TCP11L2: variants seen among roughly 807,000 people sequenced by gnomAD.
The protein encoded by TCP11L2 is t-complex 11 like 2.
TCP11L2 carries 39 observed loss-of-function variants against 50.7 expected under a neutral mutation model. The observed-to-expected ratio is 0.77, with a 90% confidence interval of 0.60 to 1.01. The LOEUF is 1.01. TCP11L2 is among the 50% of genes least tolerant of loss of function. The pLI is 0.00. For missense variants in TCP11L2, 612 were observed against 614.7 expected, an observed-to-expected ratio of 1.00 and a Z score of 0.05; for synonymous variants, 192 against 219.3, an observed-to-expected ratio of 0.88 and a Z score of 1.10.
chr12:106,339,815 C>T (rs2036036017), intron 8 of TCP11L2, among the ~76,000 whole-genome samples: 1 of 152,222 alleles, frequency 6.6e-6, no homozygotes, highest in Non-Finnish European at 1.5e-5. Flanking sequence ...CCTTGGGTTA[C>T]AGAATTCCAA....
intron 6 of TCP11L2, among the ~76,000 whole-genome samples, chr12:106,333,712 C>T (rs917481629): frequency 4.6e-5 from 7 of 151,944 alleles, no homozygotes; most frequent in East Asian, 1.9e-4. Context: ...ATACTAAAAA[C>T]GCTTCACTTC....
At chr12:106,331,507 C>T (rs1311394007) in intron 6 of TCP11L2, among the ~76,000 whole-genome samples, 2 of 152,154 alleles carry the variant, frequency 1.3e-5, no homozygotes, top group Admixed American at 6.6e-5. Flanking sequence ...GACAATAATC[C>T]CCGTCTTTAA....
chr12:106,324,813 A>C (rs79238437), intron 6 of TCP11L2: 3 of 152,224 alleles, frequency 2.0e-5, no homozygotes, highest in Non-Finnish European at 2.9e-5. Flanking sequence ...GTGAATGGTC[A>C]TACAGTTTGA....
In TCP11L2 at chr12:106,316,540, CATGG is replaced by C. The variant is rs542807877; in HGVS notation, c.294-1803_294-1800del. Among the ~76,000 whole-genome samples, 19 of 152,238 alleles carry C rather than the reference CATGG, an allele frequency of 1.2e-4. No individual in the cohort carries two copies. The East Asian group carries it at 3.1e-3, about 25-fold the overall frequency. ...TGAATGTTCTTTTCCCAGACCTTCA[CATGG>C]CTCTTTGCTCTCCCCTTCTGAGTCT... On this transcript the variant is annotated intron_variant, in intron 3 of 9. Transcript: ENST00000299045.
intron 6 of TCP11L2, among the ~76,000 whole-genome samples, chr12:106,326,887 A>G (rs1271956754): frequency 1.3e-5 from 2 of 152,216 alleles, no homozygotes; most frequent in South Asian, 2.1e-4. Flanking sequence ...CAAAAACTCT[A>G]TGACTCCAAG....
intron 8 of TCP11L2, among the ~76,000 whole-genome samples, chr12:106,340,117 G>A (rs1460381105): frequency 6.6e-6 from 1 of 152,120 alleles, no homozygotes; most frequent in African/African-American, 2.4e-5. Context: ...ATTTTGCAGA[G>A]TTATCTTAAG....
At chr12:106,338,116 T>G (rs555070018) in intron 8 of TCP11L2, among the ~76,000 whole-genome samples, 1 of 152,342 alleles carries the variant, frequency 6.6e-6, no homozygotes, top group South Asian at 2.1e-4. Context: ...TAAGACAACT[T>G]TTTTTGAAGA....
chr12:106,329,404 C>T, intron 6 of TCP11L2: 2 of 1,535,968 alleles, frequency 1.3e-6, no homozygotes, highest in Non-Finnish European at 1.7e-6. Context: ...ACCGTGCCAG[C>T]CTGTGAGAGT....
intron 1 of TCP11L2, among the ~76,000 whole-genome samples, chr12:106,305,724 C>G (rs973179646): frequency 1.3e-5 from 2 of 152,100 alleles, no homozygotes; most frequent in East Asian, 1.9e-4. Flanking sequence ...AAGGTTACCT[C>G]GTAGTTGGTG....
upstream of TCP11L2, among the ~76,000 whole-genome samples, chr12:106,302,283 T>C (rs1026636143): frequency 6.7e-6 from 1 of 149,274 alleles, no homozygotes; most frequent in South Asian, 2.1e-4. Flanking sequence ...GGCCCGCGGC[T>C]TCGCCCACCT....
intron 4 of TCP11L2, among the ~76,000 whole-genome samples, chr12:106,319,380 C>T (rs1035856499): frequency 6.6e-6 from 1 of 152,080 alleles, no homozygotes; most frequent in Admixed American, 6.6e-5. Context: ...GCAGTTTTTT[C>T]CCCCCAAAGA....
intron 6 of TCP11L2, 98 bp downstream of exon 6, chr12:106,323,744 TAATA>T (rs1355326688): frequency 5.5e-5 from 21 of 381,984 alleles, no homozygotes; most frequent in South Asian, 1.2e-4. Context: ...TAAATTAAAT[TAATA>T]AATAAATAAA....
chr12:106,331,531 A>G (rs895273408), intron 6 of TCP11L2, among the ~76,000 whole-genome samples: 1 of 152,190 alleles, frequency 6.6e-6, no homozygotes, highest in Non-Finnish European at 1.5e-5. Flanking sequence ...TTGTTTACAG[A>G]GTTTACAGTT....
intron 4 of TCP11L2, among the ~76,000 whole-genome samples, chr12:106,319,590 A>G (rs2136690056): frequency 6.6e-6 from 1 of 152,344 alleles, no homozygotes; most frequent in South Asian, 2.1e-4. Flanking sequence ...CTGAGTACTT[A>G]CAGGGTAGTC....
chr12:106,310,428 C>A (rs1053167581), intron 1 of TCP11L2, among the ~76,000 whole-genome samples: 2 of 152,162 alleles, frequency 1.3e-5, no homozygotes, highest in African/African-American at 4.8e-5. Context: ...AGGTTTCATG[C>A]GGTCTTCCCC....
intron 5 of TCP11L2, 141 bp downstream of exon 5, chr12:106,321,847 C>A: frequency 1.5e-6 from 1 of 679,924 alleles, no homozygotes; most frequent in South Asian, 1.9e-5. Context: ...AAGCAGAGAC[C>A]ATGTCAATTA....
At chr12:106,336,413 C>T (rs115096444) in intron 8 of TCP11L2, among the ~76,000 whole-genome samples, 200 bp downstream of exon 8, 1,942 of 152,164 alleles carry the variant, frequency 0.013, 42 homozygotes, top group African/African-American at 0.044. Context: ...GAGGTGTTTT[C>T]CATGACAAGT....
intron 6 of TCP11L2, among the ~76,000 whole-genome samples, chr12:106,326,762 A>G (rs1344037474): frequency 1.3e-5 from 2 of 152,184 alleles, no homozygotes; most frequent in African/African-American, 4.8e-5. Flanking sequence ...CTCTTCAAAC[A>G]AGATATCAAC....
intron 9 of TCP11L2, 28 bp downstream of exon 9, chr12:106,341,026 A>C (rs2036080505): frequency 1.3e-6 from 2 of 1,576,310 alleles, no homozygotes; most frequent in African/African-American, 1.4e-5. Context: ...TTTCTGCTTC[A>C]ATTCCAATTT....
Sources: allele counts gnomAD v4.1 joint callset (sites outside exome capture counted in the v4.1 genomes callset), GRCh38; gene constraint gnomAD v4.1.1; transcripts MANE v1.5; gene names NCBI Gene and HGNC (gene_info 2026-07-23, HGNC 2026-07-21).